ADAMTS20: variants seen among roughly 807,000 people sequenced by gnomAD.
The protein encoded by ADAMTS20 is A disintegrin and metalloproteinase with thrombospondin motifs 20.
Under a neutral mutation model 260.1 loss-of-function variants are expected in ADAMTS20, and 225 were observed. The observed-to-expected ratio is 0.87, with a 90% CI of 0.78 to 0.97. The LOEUF is 0.97. Ranked by LOEUF, ADAMTS20 falls within the 50% of genes least tolerant of loss-of-function variation. The probability of loss-of-function intolerance (pLI) is 0.00; values close to 1 mark genes in which losing one functional copy is unlikely to be tolerated. For missense variants in ADAMTS20, 2,400 were observed against 2,337.7 expected, an observed-to-expected ratio of 1.03 and a Z score of -0.55; for synonymous variants, 802 against 769.5, an observed-to-expected ratio of 1.04 and a Z score of -0.70.
At chr12:43,467,626 T>C (rs115935679) in intron 8 of ADAMTS20, among the ~76,000 whole-genome samples, 89 of 152,136 alleles carry the variant, frequency 5.9e-4, no homozygotes, top group African/African-American at 2.0e-3. Flanking sequence ...AACCAGCACA[T>C]AGTGCCACCC....
chr12:43,540,469 T>C (rs12822917), intron 2 of ADAMTS20, among the ~76,000 whole-genome samples: 32,154 of 152,190 alleles, frequency 0.21, 3,625 homozygotes, highest in South Asian at 0.32. Context: ...TATTTATTAA[T>C]GGAAGACTTA....
chr12:43,550,706 T>C (rs1334868275), intron 2 of ADAMTS20, among the ~76,000 whole-genome samples: 1 of 152,074 alleles, frequency 6.6e-6, no homozygotes, highest in African/African-American at 2.4e-5. Flanking sequence ...AGAGGGTCGG[T>C]TTTGCCCAGC....
chr12:43,514,685 T>C (rs1427586271), intron 3 of ADAMTS20, among the ~76,000 whole-genome samples: 3 of 151,414 alleles, frequency 2.0e-5, no homozygotes, highest in African/African-American at 7.3e-5. Flanking sequence ...TAATGTCAGA[T>C]TTAGATGGAT....
At chr12:43,430,512 A>T in intron 22 of ADAMTS20, 41 bp from the exon 23 acceptor site, 1 of 1,572,284 alleles carries the variant, frequency 6.4e-7, no homozygotes, top group Non-Finnish European at 8.6e-7. Flanking sequence ...ATTGTTTCCC[A>T]AAAGTTACAC....
chr12:43,519,184 G>T (rs1273482608), intron 3 of ADAMTS20, among the ~76,000 whole-genome samples: 1 of 151,998 alleles, frequency 6.6e-6, no homozygotes, highest in Non-Finnish European at 1.5e-5. Context: ...AAATGTAGAG[G>T]TGGATTCACC....
Position 43,428,787 on chromosome 12 carries a change from A to G in ADAMTS20, c.3502T>C (p.Cys1168Arg), listed in dbSNP as rs1450843656. The G allele has an allele frequency of 6.2e-7, 1 of 1,605,174 alleles. No homozygotes were observed. The highest frequency in any genetic ancestry group is 2.2e-5 in the East Asian group (1 of 44,516). The change falls in exon 25 of 39, where the codon TGT (cysteine) becomes CGT (arginine). Residue 1168 changes from cysteine (C) to arginine (R), a missense_variant. Transcript: ENST00000389420. The stretch of plus-strand genomic sequence containing the variant: ...TAGCGGGCTTGAGTACCTCTTCCAC[A>G]AGATACGGAGCACTTTTTAAGAAAT... ...HGSWTPCSVS[C>R]GRGTQARYVS...
Position 43,354,268 on chromosome 12 carries a change from C to T in ADAMTS20, c.5674G>A (p.Gly1892Arg). The change falls in exon 39 of 39, where the codon GGG (glycine) becomes AGG (arginine). Residue 1892 changes from glycine to arginine, a missense_variant. By Grantham distance (125) the Gly-to-Arg change is moderately radical. Coordinates refer to ENST00000389420, the MANE Select transcript of ADAMTS20 (RefSeq NM_025003.5). ...DGTRFFGKCGGYCGKCLPHMT... is the reference protein window; with the variant it reads ...DGTRFFGKCGRYCGKCLPHMT... ...TGAGGAAGACACTTTCCACAGTACC[C>T]TCCACATTTGCCGAAAAATCTAGTT... 2 of 1,593,066 alleles carry T rather than the reference C, an allele frequency of 1.3e-6. No individual in the cohort carries two copies. The highest frequency in any genetic ancestry group is 1.1e-5 in the South Asian group (1 of 87,304).
intron 3 of ADAMTS20, among the ~76,000 whole-genome samples, chr12:43,505,912 G>A (rs1251140088): frequency 6.6e-6 from 1 of 152,102 alleles, no homozygotes; most frequent in Non-Finnish European, 1.5e-5. Context: ...ATTGACAAAG[G>A]AATGAATAAA....
chr12:43,522,778 T>G (rs571645796), intron 3 of ADAMTS20, among the ~76,000 whole-genome samples: 3 of 152,218 alleles, frequency 2.0e-5, no homozygotes, highest in African/African-American at 7.2e-5. Context: ...TGCTTTACCA[T>G]TTCCACAGGA....
chr12:43,471,974 A>G (rs1385049455), intron 7 of ADAMTS20, among the ~76,000 whole-genome samples: 1 of 151,752 alleles, frequency 6.6e-6, no homozygotes, highest in Admixed American at 6.6e-5. Context: ...CAACGGAACA[A>G]AGCTGGATGG....
chr12:43,462,782 T>C, intron 11 of ADAMTS20, 113 bp downstream of exon 11: 1 of 759,852 alleles, frequency 1.3e-6, no homozygotes, highest in Non-Finnish European at 2.1e-6. Context: ...TAACATTAAT[T>C]CGACTAGCTG....
intron 29 of ADAMTS20, among the ~76,000 whole-genome samples, chr12:43,394,113 A>G (rs1053207035): frequency 6.6e-6 from 1 of 152,080 alleles, no homozygotes; most frequent in African/African-American, 2.4e-5. Flanking sequence ...GAACAACAGA[A>G]TCACAGAAAT....
intron 9 of ADAMTS20, among the ~76,000 whole-genome samples, chr12:43,465,808 A>G (rs1942142394): frequency 6.6e-6 from 1 of 152,070 alleles, no homozygotes; most frequent in Non-Finnish European, 1.5e-5. Flanking sequence ...CTCCTATAGA[A>G]GTATGTACTA....
At chr12:43,388,072 CA>C (rs909186776) in intron 29 of ADAMTS20, among the ~76,000 whole-genome samples, 9 of 147,288 alleles carry the variant, frequency 6.1e-5, no homozygotes, top group African/African-American at 1.7e-4. Context: ...GTGCCACGTA[CA>C]AAAAAAAAAC....
intron 21 of ADAMTS20, among the ~76,000 whole-genome samples, chr12:43,431,945 C>A (rs1941451808): frequency 6.6e-6 from 1 of 151,686 alleles, no homozygotes; most frequent in South Asian, 2.1e-4. Context: ...TTACCGCAAT[C>A]TCTGCTCATT....
rs750094184 is a variant in ADAMTS20, at chr12:43,466,669, A to G, written c.1350T>C (p.Tyr450=). The G allele has an allele frequency of 6.2e-7, 1 of 1,609,208 alleles. No homozygotes were observed. The highest frequency in any genetic ancestry group is 1.1e-5 in the South Asian group (1 of 89,700). Residue 450 remains tyrosine, a synonymous_variant, in exon 9 of 39, where the codon TAT becomes TAC. Transcript: ENST00000389420. The stretch of plus-strand genomic sequence containing the variant: ...TTACTTACTCTAGGAATTCAGTAAC[A>G]TATTTCCGACTACAGTTTGACCAGC... The part of the protein sequence containing the change: ...PWSWSNCSRK[Y]VTEFLDTGYG...
rs137911452 is a variant in ADAMTS20 at position 43,432,368 on chromosome 12, C to A, written c.3032G>T (p.Arg1011Leu). The change falls in exon 21 of 39, where the codon CGA (arginine) becomes CTA (leucine). Residue 1011 changes from arginine to leucine, a missense_variant. By Grantham distance (102) the Arg-to-Leu change is moderately radical (BLOSUM62 -2). Coordinates refer to ENST00000389420, the MANE Select transcript of ADAMTS20 (RefSeq NM_025003.5). ...TTCATTGCAATTCTCTCTCGTCACT[C>A]GGGACAGTTCTTGGCATTCATTGTC... ...LADNECQELSRVTRENCNEFS... is the reference protein window; with the variant it reads ...LADNECQELSLVTRENCNEFS... 6 of 1,613,606 alleles carry A rather than the reference C, an allele frequency of 3.7e-6. No homozygotes were observed. Among genetic ancestry groups the A allele is most frequent in the East Asian group, 4.5e-5 (2 of 44,878 alleles).
At position 43,466,744 on chromosome 12, in the gene ADAMTS20, T is replaced by C. The variant is rs761542663; in HGVS notation, c.1275A>G (p.Thr425=). The change falls in exon 9 of 39, where the codon ACA becomes ACG. Residue 425 remains threonine (T), a synonymous_variant. Transcript: ENST00000389420. ...AAGCAGGGGCCATTACATGATACTT[T>C]GTAACTTTCATTTCTTTACATCTAG... ...DNPRCKEMKV[T]KYHVMAPALS... is the part of the protein sequence containing the mutation. 6.2e-7 allele frequency: 1 copy of C among 1,610,328 alleles called. No individual in the cohort carries two copies.
chr12:43,482,535 T>C (rs902403116), intron 7 of ADAMTS20, among the ~76,000 whole-genome samples: 4 of 151,184 alleles, frequency 2.6e-5, no homozygotes, highest in Non-Finnish European at 5.9e-5. Flanking sequence ...TTCTTTTGTG[T>C]AGCAGAGGCA....
Sources: gnomAD v4.1 joint callset for allele counts (sites outside exome capture counted in the v4.1 genomes callset) on GRCh38, gnomAD v4.1.1 for gene constraint, MANE v1.5 for transcripts, NCBI Gene and HGNC (gene_info 2026-07-23, HGNC 2026-07-21) for gene names.